Variants in POSTN observed in about 807,000 individuals in gnomAD.
POSTN encodes the protein periostin.
A neutral mutation model predicts 104.5 loss-of-function variants in POSTN; 71 were observed. The ratio of observed to expected loss-of-function variants is 0.68; its 90% confidence interval spans 0.56 to 0.83. The LOEUF (loss-of-function observed/expected upper bound fraction) is 0.83. Among genes scored for constraint, POSTN ranks in the 40% least tolerant of loss-of-function variants. The pLI, the probability that POSTN is intolerant of heterozygous loss-of-function variation, is 0.00. For synonymous variants in POSTN, 355 were observed against 340.7 expected (o/e 1.04, Z -0.46); for missense variants, 949 against 1,006.8 (o/e 0.94, Z 0.78).
chr13:37,578,968 G>A (rs771596744), intron 14 of POSTN, 51 bp downstream of exon 14: 2 of 1,596,068 alleles, frequency 1.3e-6, no homozygotes, highest in Non-Finnish European at 1.7e-6. Context: ...AAAAATCGAG[G>A]TTCATATTAA....
chr13:37,570,965 T>A, intron 18 of POSTN: 1 of 320,954 alleles, frequency 3.1e-6, no homozygotes. Flanking sequence ...GAGTTCTATA[T>A]CATTGGAATG....
chr13:37,595,047 A>ATTTTTTTTTT (rs34055085), intron 2 of POSTN, among the ~76,000 whole-genome samples: 1 of 144,398 alleles, frequency 6.9e-6, no homozygotes, highest in African/African-American at 2.5e-5. Context: ...CAAAGTAGTG[A>ATTTTTTTTTT]TTTTTTTTTT....
Position 37,578,905 on chromosome 13 carries a change from G to A in POSTN, c.1901C>T (p.Pro634Leu), listed in dbSNP as rs1360807982. 2.5e-6 allele frequency: 4 copies of A among 1,597,846 alleles called. No individual in the cohort carries two copies. The South Asian group carries it at 3.5e-5, about 14-fold the overall frequency. ...TTCCAGCAGTTGATCATTTCCAACA[G>A]GTGTGTCTATGAAGAGAAATATTAA... is the stretch of plus-strand genomic sequence containing the variant. The part of the protein sequence containing the change: ...VDKLLYPADT[P>L]VGNDQLLEIL... The change falls in exon 15 of 23, where the codon CCT becomes CTT. Residue 634 changes from proline (P) to leucine (L), a missense_variant. Coordinates refer to ENST00000379747, the MANE Select transcript of POSTN (RefSeq NM_006475.3).
intron 3 of POSTN, among the ~76,000 whole-genome samples, chr13:37,591,549 T>C (rs957592616): frequency 1.3e-5 from 2 of 152,136 alleles, no homozygotes; most frequent in Admixed American, 6.6e-5. Flanking sequence ...GTCTGTGTCA[T>C]ATTAAAAGAA....
chr13:37,590,409 A>G lies in POSTN; in HGVS notation c.404T>C (p.Phe135Ser). Residue 135 changes from phenylalanine to serine, a missense_variant, in exon 4 of 23, where the codon TTT (phenylalanine) becomes TCT (serine). By Grantham distance (155) the Phe-to-Ser change is radical (BLOSUM62 -2). Transcript: ENST00000379747. The stretch of plus-strand genomic sequence containing the variant: ...GTCCCAAGCCTCATTACTCGGTGCA[A>G]AGTAAGTGAAGGATCCCTTTCCCTC... Reference protein sequence around the residue: ...EIEGKGSFTYFAPSNEAWDNL... With the variant: ...EIEGKGSFTYSAPSNEAWDNL... 2 of 1,604,430 alleles carry G rather than the reference A, an allele frequency of 1.2e-6. No individual in the cohort carries two copies. The highest frequency in any genetic ancestry group is 1.7e-6 in the Non-Finnish European group (2 of 1,174,704).
chr13:37,586,940 T>C lies in POSTN; in HGVS notation c.607-12A>G. Reference sequence around the variant, plus strand: ...TTAACAGTGACAACCTATAATTATTTGGAAAAATCAAAGTGCTGAAACCAG... The same window carrying C: ...TTAACAGTGACAACCTATAATTATTCGGAAAAATCAAAGTGCTGAAACCAG... On this transcript the variant is annotated splice_polypyrimidine_tract_variant and intron_variant, in intron 5 of 22. Coordinates refer to ENST00000379747, the MANE Select transcript of POSTN (RefSeq NM_006475.3). The C allele has an allele frequency of 6.2e-7, 1 of 1,611,482 alleles. No homozygotes were observed. Among genetic ancestry groups the C allele is most frequent in the East Asian group, 2.2e-5 (1 of 44,762 alleles).
chr13:37,568,664 G>C (rs2138163828), intron 21 of POSTN: 1 of 150,680 alleles, frequency 6.6e-6, no homozygotes, highest in Non-Finnish European at 1.5e-5. Context: ...ACTATGTAGG[G>C]TTTGTGTAAG....
In POSTN at chr13:37,587,854, A is replaced by G. The variant is rs1012946935; in HGVS notation, c.574T>C (p.Leu192=). Residue 192 remains leucine, a synonymous_variant, in exon 5 of 23, where the codon TTG becomes CTG. Transcript: ENST00000379747. ...GMIIPSMYNN[L]GLFINHYPNG... ...GGATAATGGTTAATGAAAAGCCCCA[A>G]ATTGTTATACATTGAAGGAATAATC... The G allele has an allele frequency of 1.2e-5, 20 of 1,604,436 alleles. No homozygotes were observed. The highest frequency in any genetic ancestry group is 1.7e-5 in the Non-Finnish European group (20 of 1,172,562).
chr13:37,594,070 C>A (rs1424851830), intron 2 of POSTN, among the ~76,000 whole-genome samples: 3 of 151,824 alleles, frequency 2.0e-5, no homozygotes, highest in African/African-American at 7.2e-5. Context: ...TATATAGGAG[C>A]CTTATGCAAA....
At chr13:37,589,998 G>A (rs1950879709) in intron 4 of POSTN, among the ~76,000 whole-genome samples, 2 of 151,894 alleles carry the variant, frequency 1.3e-5, no homozygotes, top group Non-Finnish European at 2.9e-5. Context: ...GTATAATACT[G>A]CTTATGATAA....
rs747299298 is a variant in POSTN at position 37,564,555 on chromosome 13, G to C, written c.2437C>G (p.Pro813Ala). Residue 813 changes from proline (P) to alanine (A), a missense_variant, in exon 22 of 23, where the codon CCC becomes GCC. Pro to Ala is a conservative substitution (Grantham distance 27). Transcript: ENST00000379747. ...TTGTTGGCTTGCAACTTCCTCACGG[G>C]TGTGTCTAAAATTAAATTGTTGTAG... ...EIKRLLQGDTPVRKLQANKKV... is the reference protein window; with the variant it reads ...EIKRLLQGDTAVRKLQANKKV... 6.3e-7 allele frequency: 1 copy of C among 1,593,622 alleles called. No individual in the cohort carries two copies. Among genetic ancestry groups the C allele is most frequent in the African/African-American group, 1.3e-5 (1 of 74,282 alleles).
At position 37,592,181 on chromosome 13, in the gene POSTN, A is replaced by C; in HGVS notation, c.219-17T>G. 1 of 1,409,794 alleles carries C rather than the reference A, an allele frequency of 7.1e-7. No individual in the cohort carries two copies. The highest frequency in any genetic ancestry group is 1.9e-4 in the Middle Eastern group (1 of 5,160). 87.3% of individuals were successfully genotyped at this position (1,409,794 alleles called of 1,614,324 possible). ...AACACAGTCCTGTACATAGGAAGAA[A>C]ATTAATATTAAAATGAGAAACTAAA... is the stretch of plus-strand genomic sequence containing the variant. On this transcript the variant is annotated splice_polypyrimidine_tract_variant and intron_variant, in intron 2 of 22. Transcript: ENST00000379747.
At chr13:37,563,911 A>T (rs184114612) in intron 22 of POSTN, among the ~76,000 whole-genome samples, 1 of 152,060 alleles carries the variant, frequency 6.6e-6, no homozygotes, top group East Asian at 1.9e-4. Flanking sequence ...TAATTATGAA[A>T]TAAATTGTAA....
At chr13:37,597,354 T>C (rs887392366) in intron 1 of POSTN, 72 bp from the exon 2 acceptor site, 1 of 946,492 alleles carries the variant, frequency 1.1e-6, no homozygotes, top group East Asian at 2.8e-5. Context: ...AAAGATTGGT[T>C]GATAGAAGAA....
Position 37,579,095 on chromosome 13 carries a change from T to C in POSTN, c.1818A>G (p.Glu606=), listed in dbSNP as rs750541080. The change falls in exon 14 of 23, where the codon GAA becomes GAG. Residue 606 remains glutamate, a synonymous_variant. Transcript: ENST00000379747. The part of the protein sequence containing the change: ...KEVNDTLLVN[E]LKSKESDIMT... Reference sequence around the variant, plus strand: ...TGATGTCAGATTCTTTTGATTTCAATTCATTCACCAGAAGTGTATCATTTA... The same window carrying C: ...TGATGTCAGATTCTTTTGATTTCAACTCATTCACCAGAAGTGTATCATTTA... The C allele has an allele frequency of 6.2e-7, 1 of 1,613,098 alleles. No homozygotes were observed. The highest frequency in any genetic ancestry group is 1.1e-5 in the South Asian group (1 of 91,030).
chr13:37,568,310 C>T (rs1482937674), intron 21 of POSTN, among the ~76,000 whole-genome samples: 6 of 151,880 alleles, frequency 4.0e-5, no homozygotes, highest in South Asian at 2.1e-4. Flanking sequence ...AGAGATTTTA[C>T]GTTTATTAAA....
intron 10 of POSTN, among the ~76,000 whole-genome samples, chr13:37,581,451 G>A (rs904612105): frequency 2.2e-4 from 34 of 152,146 alleles, no homozygotes; most frequent in Non-Finnish European, 3.5e-4. Context: ...TGGGTGCAGC[G>A]GCTCATGCCT....
intron 10 of POSTN, 42 bp downstream of exon 10, chr13:37,582,324 A>C: frequency 6.4e-7 from 1 of 1,559,976 alleles, no homozygotes; most frequent in Non-Finnish European, 8.7e-7. Flanking sequence ...ATTATTTGAC[A>C]TGTCATTTGA....
chr13:37,580,467 C>T (rs1313071645), intron 11 of POSTN, 94 bp downstream of exon 11: 2 of 1,365,526 alleles, frequency 1.5e-6, no homozygotes, highest in African/African-American at 2.9e-5. Context: ...TTTTCAACCA[C>T]ATAGGAGACT....
Sources: gnomAD v4.1 joint callset for allele counts (sites outside exome capture counted in the v4.1 genomes callset) on GRCh38, gnomAD v4.1.1 for gene constraint, MANE v1.5 for transcripts, NCBI Gene and HGNC (gene_info 2026-07-23, HGNC 2026-07-21) for gene names.